KATNIP: variants seen among roughly 807,000 people sequenced by gnomAD.
The protein encoded by KATNIP is katanin-interacting protein.
A neutral mutation model predicts 174.0 loss-of-function variants in KATNIP; 126 were observed. The ratio of observed to expected loss-of-function variants is 0.72; its 90% CI spans 0.63 to 0.84. The LOEUF (loss-of-function observed/expected upper bound fraction) is 0.84. Ranked by LOEUF, KATNIP falls within the 40% of genes least tolerant of loss-of-function variation. The pLI, the probability that KATNIP is intolerant of heterozygous loss-of-function variation, is 0.00. For missense variants in KATNIP, 1,958 were observed against 2,109.7 expected (o/e 0.93, Z 1.41); for synonymous variants, 810 against 835.7 (o/e 0.97, Z 0.53).
intron 6 of KATNIP, among the ~76,000 whole-genome samples, chr16:27,674,677 C>A (rs984752691): frequency 1.3e-5 from 2 of 152,228 alleles, no homozygotes; most frequent in African/African-American, 2.4e-5. Context: ...CTAATCATAT[C>A]TTCAAGGTCC....
chr16:27,635,006 A>T (rs987884280), intron 5 of KATNIP, among the ~76,000 whole-genome samples: 1 of 152,180 alleles, frequency 6.6e-6, no homozygotes, highest in Non-Finnish European at 1.5e-5. Context: ...TGCAGGGGGA[A>T]GTCACGGGAC....
At chr16:27,766,205 C>T (rs2082117224) in intron 19 of KATNIP, 104 bp from the exon 20 acceptor site, 1 of 1,237,668 alleles carries the variant, frequency 8.1e-7, no homozygotes. Flanking sequence ...AGGCTAGTGC[C>T]AGGCAGTGGG....
At chr16:27,621,075 G>A (rs2076180063) in intron 3 of KATNIP, among the ~76,000 whole-genome samples, 1 of 152,096 alleles carries the variant, frequency 6.6e-6, no homozygotes, top group African/African-American at 2.4e-5. Flanking sequence ...AAGGCAGGAG[G>A]ATCGCTTGAG....
At chr16:27,555,589 C>A (rs1020232979) in intron 1 of KATNIP, among the ~76,000 whole-genome samples, 3 of 152,058 alleles carry the variant, frequency 2.0e-5, no homozygotes, top group Non-Finnish European at 4.4e-5. Flanking sequence ...AATCCCAGTA[C>A]TTTGGAAGGC....
intron 5 of KATNIP, among the ~76,000 whole-genome samples, chr16:27,640,317 G>C (rs1217466082): frequency 1.3e-5 from 2 of 152,242 alleles, no homozygotes; most frequent in Non-Finnish European, 1.5e-5. Context: ...GCCAAGCGGG[G>C]AGCTAGCCAG....
intron 20 of KATNIP, among the ~76,000 whole-genome samples, chr16:27,766,792 C>A (rs1239595308): frequency 6.6e-6 from 1 of 152,172 alleles, no homozygotes; most frequent in Admixed American, 6.5e-5. Context: ...GGTGGCCAGG[C>A]CTCTGCTGAG....
At chr16:27,676,797 G>A (rs1297128370) in intron 6 of KATNIP, among the ~76,000 whole-genome samples, 1 of 152,074 alleles carries the variant, frequency 6.6e-6, no homozygotes, top group Non-Finnish European at 1.5e-5. Context: ...AACCTCCCGA[G>A]TAGCTGGGAC....
In KATNIP at chr16:27,759,923, C is replaced by T. The variant is rs75866856; in HGVS notation, c.3632-1490C>T. Among the ~76,000 whole-genome samples the T allele has an allele frequency of 5.6e-3, 854 of 152,258 alleles. 5 individuals are homozygous for T. The highest frequency in any genetic ancestry group is 0.02 in the South Asian group (97 of 4,820). On this transcript the variant is annotated intron_variant, in intron 18 of 27. Coordinates refer to ENST00000261588, the MANE Select transcript of KATNIP (RefSeq NM_015202.5). ...GGCGAGAAGCCCATGTGCAGGGTGCCGTGCTGGCCACATGTTTTTTTCATC... is the reference window on the plus strand; with the variant it reads ...GGCGAGAAGCCCATGTGCAGGGTGCTGTGCTGGCCACATGTTTTTTTCATC...
intron 2 of KATNIP, among the ~76,000 whole-genome samples, chr16:27,613,970 G>T (rs186194283): frequency 3.3e-4 from 50 of 152,244 alleles, no homozygotes; most frequent in Admixed American, 1.8e-3. Context: ...CAGCTGCAGT[G>T]CAGTGACACA....
Position 27,681,413 on chromosome 16 carries a change from A to C in KATNIP, c.823A>C (p.Arg275=), listed in dbSNP as rs574430729. 6.6e-4 allele frequency: 1,060 copies of C among 1,614,216 alleles called. 17 individuals carry two copies. The South Asian group carries it at 0.011, about 17-fold the overall frequency. The change falls in exon 8 of 28, where the codon AGG becomes CGG. Residue 275 remains arginine (R), a synonymous_variant. Transcript: ENST00000261588. ...TTTTCCTACAGGTCATAAAAGGGAA[A>C]GGAATTTGTCTGCAAAGCGGAAGGA... The part of the protein sequence containing the change: ...NPASKSHKRE[R]NLSAKRKDNA...
chr16:27,552,510 G>A (rs2089427090), intron 1 of KATNIP, among the ~76,000 whole-genome samples: 1 of 151,244 alleles, frequency 6.6e-6, no homozygotes, highest in South Asian at 2.1e-4. Context: ...GAGTAGCTGG[G>A]ATCACAGGTG....
At chr16:27,550,606 C>G (rs1333983819) in intron 1 of KATNIP, among the ~76,000 whole-genome samples, 1 of 152,100 alleles carries the variant, frequency 6.6e-6, no homozygotes, top group African/African-American at 2.4e-5. Context: ...AGGAAATACT[C>G]CCTTTCTGTG....
At chr16:27,712,768 A>G (rs143413721) in intron 13 of KATNIP, among the ~76,000 whole-genome samples, 1 of 152,160 alleles carries the variant, frequency 6.6e-6, no homozygotes, top group East Asian at 1.9e-4. Context: ...CCTGCTTGAC[A>G]TCTCTTGGAT....
chr16:27,651,432 GAA>G (rs879650488), intron 6 of KATNIP, among the ~76,000 whole-genome samples: 1 of 142,880 alleles, frequency 7.0e-6, no homozygotes, highest in Non-Finnish European at 1.5e-5. Context: ...TCTGAACAGG[GAA>G]AAAAAAAAAA....
At chr16:27,661,406 T>G (rs1210274582) in intron 6 of KATNIP, among the ~76,000 whole-genome samples, 1 of 151,980 alleles carries the variant, frequency 6.6e-6, no homozygotes. Flanking sequence ...CTTTTCTTTT[T>G]TTTGAAACAG....
chr16:27,631,202 G>A, intron 5 of KATNIP, 40 bp downstream of exon 5: 1 of 1,421,218 alleles, frequency 7.0e-7, no homozygotes, highest in Non-Finnish European at 9.7e-7. Flanking sequence ...TTAGAATACA[G>A]AGTGTGGGTG....
At chr16:27,638,575 A>T (rs1406005267) in intron 5 of KATNIP, among the ~76,000 whole-genome samples, 2 of 152,144 alleles carry the variant, frequency 1.3e-5, no homozygotes, top group African/African-American at 4.8e-5. Context: ...GCCAGTTCTC[A>T]AAAGCTGCTC....
chr16:27,607,284 A>C (rs1309689863), intron 2 of KATNIP, among the ~76,000 whole-genome samples: 1 of 152,194 alleles, frequency 6.6e-6, no homozygotes, highest in African/African-American at 2.4e-5. Context: ...GTTGTCTGCT[A>C]TCTCCACTTA....
chr16:27,777,876 C>A lies in KATNIP; in HGVS notation c.4713-5C>A. ...TCGAATCTTGTGTTTCCTTCCTACCCTCAGTAATCAGGCCGAGGATCAAGA... is the reference window on the plus strand; with the variant it reads ...TCGAATCTTGTGTTTCCTTCCTACCATCAGTAATCAGGCCGAGGATCAAGA... On this transcript the variant is annotated splice_polypyrimidine_tract_variant and splice_region_variant and intron_variant, in intron 26 of 27. Transcript: ENST00000261588. The surrounding 1 kb of genome is among the most constrained non-coding windows in gnomAD (Gnocchi z 4.4). 6.2e-7 allele frequency: 1 copy of A among 1,614,004 alleles called. No individual in the cohort carries two copies. Among genetic ancestry groups the A allele is most frequent in the Non-Finnish European group, 8.5e-7 (1 of 1,179,806 alleles).
Sources: gnomAD v4.1 joint callset for allele counts (sites outside exome capture counted in the v4.1 genomes callset) on GRCh38, gnomAD v4.1.1 for gene constraint, Gnocchi (gnomAD v3.1) non-coding constraint, MANE v1.5 for transcripts, NCBI Gene and HGNC (gene_info 2026-07-23, HGNC 2026-07-21) for gene names.